The following LDAH variants were observed in gnomAD, a reference collection of about 807,000 sequenced individuals.
LDAH encodes the protein lipid droplet associated hydrolase.
LDAH carries 26 observed loss-of-function variants against 29.6 expected under a neutral mutation model. The observed-to-expected ratio is 0.88, with a 90% confidence interval of 0.64 to 1.22. The LOEUF is 1.22. LDAH is among the 50% of genes most tolerant of loss of function. The pLI, the probability that LDAH is intolerant of heterozygous loss-of-function variation, is 0.00. For missense variants in LDAH, 344 were observed against 387.3 expected, an observed-to-expected ratio of 0.89 and a Z score of 0.94; for synonymous variants, 117 against 133.0, an observed-to-expected ratio of 0.88 and a Z score of 0.83.
At chr2:20,682,738 A>G (rs1394059502), downstream of LDAH, among the ~76,000 whole-genome samples, 1 of 152,214 alleles carries the variant, frequency 6.6e-6, no homozygotes, top group Non-Finnish European at 1.5e-5. Flanking sequence ...CCACCTCCCA[A>G]TAGTTGCATT....
intron 5 of LDAH, among the ~76,000 whole-genome samples, chr2:20,735,685 G>A (rs1390496505): frequency 6.6e-6 from 1 of 152,024 alleles, no homozygotes; most frequent in Non-Finnish European, 1.5e-5. Context: ...ATTATGTTAT[G>A]AGATTCTGGA....
intron 4 of LDAH, among the ~76,000 whole-genome samples, chr2:20,747,269 C>T (rs748534873): frequency 7.2e-5 from 11 of 152,054 alleles, no homozygotes; most frequent in Non-Finnish European, 1.5e-4. Context: ...AGTGAAGCTG[C>T]GACAAATAGT....
chr2:20,717,607 A>G (rs561474990), intron 5 of LDAH, among the ~76,000 whole-genome samples: 1 of 152,358 alleles, frequency 6.6e-6, no homozygotes, highest in South Asian at 2.1e-4. Context: ...TTTGATTTAC[A>G]TGCTTTTCTG....
chr2:20,787,560 CTGGGA>C (rs1454867765), intron 3 of LDAH, among the ~76,000 whole-genome samples: 1 of 152,138 alleles, frequency 6.6e-6, no homozygotes, highest in African/African-American at 2.4e-5. Flanking sequence ...TCCCAAAGTG[CTGGGA>C]TTACAGGCAT....
At chr2:20,690,177 G>GA (rs148898790) in intron 6 of LDAH, among the ~76,000 whole-genome samples, 2,445 of 152,242 alleles carry the variant, frequency 0.016, 62 homozygotes, top group African/African-American at 0.056. Context: ...TTGAGCAGGG[G>GA]TGATCAACAT....
At chr2:20,816,974 C>G (rs1161386484) in intron 1 of LDAH, among the ~76,000 whole-genome samples, 2 of 151,950 alleles carry the variant, frequency 1.3e-5, no homozygotes, top group Admixed American at 6.6e-5. Context: ...TTTCATGGGT[C>G]AAGCAAATTT....
chr2:20,786,522 G>C (rs1670565619), intron 3 of LDAH, among the ~76,000 whole-genome samples: 1 of 152,092 alleles, frequency 6.6e-6, no homozygotes, highest in Non-Finnish European at 1.5e-5. Context: ...GTAGCTATAG[G>C]TATCAGAAAC....
chr2:20,710,614 A>G (rs1227310217), intron 5 of LDAH, among the ~76,000 whole-genome samples: 2 of 132,334 alleles, frequency 1.5e-5, no homozygotes, highest in South Asian at 2.6e-4. Flanking sequence ...GTGTATATAT[A>G]TATATAGATA....
chr2:20,806,468 T>C (rs1193015428), intron 1 of LDAH, among the ~76,000 whole-genome samples: 1 of 152,122 alleles, frequency 6.6e-6, no homozygotes, highest in African/African-American at 2.4e-5. Flanking sequence ...GTTTGACTTT[T>C]AAAGGCCCAG....
intron 2 of LDAH, 97 bp from the exon 3 acceptor site, chr2:20,790,495 T>C (rs1670873924): frequency 2.9e-6 from 3 of 1,022,216 alleles, no homozygotes; most frequent in Middle Eastern, 3.2e-4. Flanking sequence ...CTTTTCACAC[T>C]TTCCTCTGAA....
At chr2:20,735,738 C>T (rs1015249438) in intron 5 of LDAH, among the ~76,000 whole-genome samples, 2 of 151,908 alleles carry the variant, frequency 1.3e-5, no homozygotes, top group African/African-American at 4.8e-5. Flanking sequence ...TTCACTATGG[C>T]CACGTAGGGT....
rs1467402313 is a variant in LDAH at position 20,698,273 on chromosome 2, T to G, written c.786+3297A>C. 1.3e-5 allele frequency among the ~76,000 whole-genome samples: 2 copies of G among 152,226 alleles called. No individual in the cohort carries two copies. The highest frequency in any genetic ancestry group is 1.3e-4 in the Admixed American group (2 of 15,286). ...AACGTGGGGAAAGGTGAAGGTTGAT[T>G]GTTTAAATACTGTGTGATAAATGCA... On this transcript the variant is annotated intron_variant, in intron 6 of 6. Transcript: ENST00000237822. The surrounding 1 kb of genome is among the most constrained non-coding windows in gnomAD (Gnocchi z 4.4).
intron 4 of LDAH, among the ~76,000 whole-genome samples, chr2:20,748,462 A>G (rs972563994): frequency 9.9e-5 from 15 of 152,182 alleles, no homozygotes; most frequent in Admixed American, 2.0e-4. Context: ...ATCATTTTAT[A>G]TTCTCTGCAC....
chr2:20,793,228 ACTC>A (rs1488736464), intron 2 of LDAH, among the ~76,000 whole-genome samples: 1 of 152,040 alleles, frequency 6.6e-6, no homozygotes, highest in Admixed American at 6.6e-5. Context: ...GAGTGTGAGA[ACTC>A]CTATAAAAGG....
chr2:20,685,449 C>T lies in LDAH; in HGVS notation c.*1454G>A, dbSNP rs1259252073. On this transcript the variant is annotated 3_prime_UTR_variant, in exon 7 of 7. Transcript: ENST00000237822. Reference sequence around the variant, plus strand: ...CTATTAGCTCTTCCCCTTGGGCTAACAGCACTCCTTGTCTGGAGCTTGGCT... The same window carrying T: ...CTATTAGCTCTTCCCCTTGGGCTAATAGCACTCCTTGTCTGGAGCTTGGCT... 59 of 1,464,704 alleles carry T rather than the reference C, an allele frequency of 4.0e-5. 1 individual carries two copies. The East Asian group carries it at 1.5e-3, about 36-fold the overall frequency. The allele number at this position is 1,464,704 out of a possible 1,614,324, so 90.7% of individuals were successfully genotyped here. A position where few individuals can be genotyped will look rare whatever the true frequency, so the allele number is the denominator to read the frequency against.
intron 6 of LDAH, among the ~76,000 whole-genome samples, chr2:20,694,139 C>T (rs1421361736): frequency 9.9e-6 from 1 of 101,476 alleles, no homozygotes; most frequent in East Asian, 3.6e-4. Flanking sequence ...CACATACAGG[C>T]CCCCTACTTC....
chr2:20,696,865 C>A (rs12616258), intron 6 of LDAH, among the ~76,000 whole-genome samples: 20,257 of 151,976 alleles, frequency 0.13, 1,565 homozygotes, highest in East Asian at 0.26. Flanking sequence ...CCTGGTTCTC[C>A]TTCCCACCCT....
intron 6 of LDAH, among the ~76,000 whole-genome samples, chr2:20,695,454 C>CTT (rs558163112): frequency 7.2e-5 from 9 of 124,690 alleles, no homozygotes; most frequent in South Asian, 2.5e-4. Flanking sequence ...GACACTCTTT[C>CTT]TTTTTTTTTT....
At chr2:20,714,237 T>C (rs1004562390) in intron 5 of LDAH, among the ~76,000 whole-genome samples, 1 of 152,068 alleles carries the variant, frequency 6.6e-6, no homozygotes, top group Non-Finnish European at 1.5e-5. Flanking sequence ...TTGGTCAAAA[T>C]CACACAACTA....
Sources: allele counts gnomAD v4.1 joint callset (sites outside exome capture counted in the v4.1 genomes callset), GRCh38; gene constraint gnomAD v4.1.1; non-coding constraint Gnocchi (gnomAD v3.1); transcripts MANE v1.5; gene names NCBI Gene and HGNC (gene_info 2026-07-23, HGNC 2026-07-21).